GALNTL6: variants seen among roughly 807,000 people sequenced by gnomAD.
GALNTL6 encodes the protein polypeptide N-acetylgalactosaminyltransferase like 6, also known as polypeptide N-acetylgalactosaminyltransferase-like 6.
GALNTL6 carries 46 observed loss-of-function variants against 73.7 expected under a neutral mutation model. The observed-to-expected ratio is 0.62, with a 90% CI of 0.49 to 0.80. The LOEUF is 0.80. Among genes scored for constraint, GALNTL6 ranks in the 30% least tolerant of loss-of-function variants. GALNTL6 has a pLI of 0.00. For synonymous variants in GALNTL6, 259 were observed against 263.7 expected (o/e 0.98, Z 0.17); for missense variants, 604 against 755.0 (o/e 0.80, Z 2.34).
intron 8 of GALNTL6, 99 bp downstream of exon 8, chr4:172,883,006 T>C (rs1745539530): frequency 1.5e-6 from 1 of 678,924 alleles, no homozygotes; most frequent in Non-Finnish European, 2.6e-6. Flanking sequence ...TGGGATGACT[T>C]AATGGTAATA....
intron 3 of GALNTL6, among the ~76,000 whole-genome samples, chr4:172,290,922 CAAG>C (rs1372994467): frequency 6.6e-6 from 1 of 150,706 alleles, no homozygotes; most frequent in African/African-American, 2.4e-5. Context: ...AAAAAACAAG[CAAG>C]AATAAGAAGA....
intron 5 of GALNTL6, among the ~76,000 whole-genome samples, chr4:172,487,299 T>TTTCCTTCCTTCC (rs201082596): frequency 1.4e-3 from 113 of 83,700 alleles, no homozygotes; most frequent in Non-Finnish European, 2.1e-3. Flanking sequence ...TCTTTCCTTC[T>TTTCCTTCCTTCC]GTCTTTCTTT....
In GALNTL6 at chr4:172,813,608, G is replaced by A. The variant is rs776872239; in HGVS notation, c.808G>A (p.Gly270Arg). The A allele has an allele frequency of 1.9e-6, 3 of 1,613,118 alleles. No homozygotes were observed. Among genetic ancestry groups the A allele is most frequent in the Admixed American group, 1.7e-5 (1 of 59,972 alleles). The change falls in exon 7 of 13, where the codon GGG becomes AGG. Residue 270 changes from glycine (G) to arginine (R), a missense_variant. Gly to Arg is a moderately radical substitution (Grantham distance 125). This residue lies in a region of GALNTL6 where 179 missense variants were observed against 230.8 expected (regional missense o/e 0.78). Transcript: ENST00000506823. ...CGATGTCATTGACCACAATCACTTC[G>A]GGTATGAGGCACAAGCTGGGGATGC... ...MIDVIDHNHF[G>R]YEAQAGDAMR...
At chr4:172,882,708 T>G in intron 7 of GALNTL6, 82 bp from the exon 8 acceptor site, 1 of 938,678 alleles carries the variant, frequency 1.1e-6, no homozygotes, top group Non-Finnish European at 1.8e-6. Context: ...AAACATATCT[T>G]GAATTTTACT....
intron 7 of GALNTL6, among the ~76,000 whole-genome samples, chr4:172,835,790 A>G (rs1488524724): frequency 6.6e-6 from 1 of 152,236 alleles, no homozygotes; most frequent in African/African-American, 2.4e-5. Context: ...CAGATAAGTT[A>G]GAGGTAAGGT....
chr4:172,177,721 GTGTGTATATATATATACACA>G (rs946609947), intron 2 of GALNTL6, among the ~76,000 whole-genome samples: 11 of 99,174 alleles, frequency 1.1e-4, no homozygotes, highest in Admixed American at 3.3e-4. Flanking sequence ...TACTTAGTAT[GTGTGTATATATATATACACA>G]TGTGTATATA....
chr4:173,036,432 C>T (rs1753698808), intron 12 of GALNTL6, among the ~76,000 whole-genome samples: 1 of 152,158 alleles, frequency 6.6e-6, no homozygotes, highest in African/African-American at 2.4e-5. Flanking sequence ...CACGGGCCTG[C>T]TACAAAGAAG....
chr4:171,995,782 A>T (rs1383437441), intron 2 of GALNTL6, among the ~76,000 whole-genome samples: 1 of 152,050 alleles, frequency 6.6e-6, no homozygotes, highest in African/African-American at 2.4e-5. Context: ...AAGCTAAATG[A>T]TTCATTTAAA....
chr4:172,619,965 C>G (rs1259303102), intron 5 of GALNTL6, among the ~76,000 whole-genome samples: 2 of 152,154 alleles, frequency 1.3e-5, no homozygotes, highest in Non-Finnish European at 2.9e-5. Flanking sequence ...AGAGGCATAT[C>G]TGAGCTGTAG....
At chr4:172,133,746 T>A (rs2111023426) in intron 2 of GALNTL6, among the ~76,000 whole-genome samples, 1 of 152,302 alleles carries the variant, frequency 6.6e-6, no homozygotes, top group Middle Eastern at 3.4e-3. Context: ...ATGCACTTAC[T>A]ATGTTCAAAG....
At chr4:172,937,166 G>T (rs916417081) in intron 9 of GALNTL6, among the ~76,000 whole-genome samples, 1 of 152,022 alleles carries the variant, frequency 6.6e-6, no homozygotes, top group Non-Finnish European at 1.5e-5. Context: ...CCTTGAACAG[G>T]AAGTATCAGG....
At chr4:172,250,543 G>T (rs901102889) in intron 3 of GALNTL6, among the ~76,000 whole-genome samples, 1 of 152,074 alleles carries the variant, frequency 6.6e-6, no homozygotes, top group African/African-American at 2.4e-5. Context: ...ATCCCCACAT[G>T]TTGTGGGAGG....
chr4:171,951,933 G>A (rs528369288), intron 2 of GALNTL6, among the ~76,000 whole-genome samples: 2 of 152,006 alleles, frequency 1.3e-5, no homozygotes, highest in Admixed American at 1.3e-4. Context: ...GTATCCCAGA[G>A]TTACATGCCC....
chr4:172,889,775 G>A (rs1291755863), intron 8 of GALNTL6, among the ~76,000 whole-genome samples: 3 of 152,136 alleles, frequency 2.0e-5, no homozygotes, highest in Non-Finnish European at 4.4e-5. Context: ...TTCATGGAAT[G>A]AGTTAGAGAG....
At chr4:172,980,891 C>T (rs1388842338) in intron 10 of GALNTL6, among the ~76,000 whole-genome samples, 1 of 152,252 alleles carries the variant, frequency 6.6e-6, no homozygotes, top group East Asian at 1.9e-4. Context: ...TTCCATTCTA[C>T]TTTTGTTTCT....
chr4:172,970,965 A>G (rs1750553910), intron 10 of GALNTL6, among the ~76,000 whole-genome samples: 1 of 152,222 alleles, frequency 6.6e-6, no homozygotes, highest in South Asian at 2.1e-4. Context: ...GGGGTAAGAA[A>G]TTATGAAAGT....
At chr4:173,019,202 A>C (rs76120481) in intron 11 of GALNTL6, among the ~76,000 whole-genome samples, 2 of 152,384 alleles carry the variant, frequency 1.3e-5, no homozygotes, top group Non-Finnish European at 2.9e-5. Context: ...GGGCAGGAAC[A>C]AGGCAGAAGA....
chr4:172,963,788 G>A (rs555804935), intron 10 of GALNTL6, among the ~76,000 whole-genome samples: 8 of 152,228 alleles, frequency 5.3e-5, no homozygotes, highest in Non-Finnish European at 1.0e-4. Context: ...AGTCGGGTCT[G>A]TGGTCCATTT....
intron 2 of GALNTL6, among the ~76,000 whole-genome samples, chr4:172,093,058 A>G (rs112807146): frequency 0.05 from 7,570 of 151,726 alleles, 588 homozygotes; most frequent in African/African-American, 0.17. Flanking sequence ...TATTTGTGTA[A>G]AGATGGGGTT....
Sources: allele counts gnomAD v4.1 joint callset (sites outside exome capture counted in the v4.1 genomes callset), GRCh38; gene constraint gnomAD v4.1.1; regional missense constraint gnomAD v4.1.1; transcripts MANE v1.5; gene names NCBI Gene and HGNC (gene_info 2026-07-23, HGNC 2026-07-21).